The following RBFOX1 variants were observed in gnomAD, a reference collection of about 807,000 sequenced individuals.
RBFOX1 encodes RNA binding fox-1 homolog 1.
A neutral mutation model predicts 57.7 loss-of-function variants in RBFOX1; 8 were observed. The observed-to-expected ratio is 0.14, with a 90% confidence interval of 0.08 to 0.25. The LOEUF (loss-of-function observed/expected upper bound fraction) is 0.25. Among genes scored for constraint, RBFOX1 ranks in the 10% least tolerant of loss-of-function variants. The pLI is 1.00. For missense variants in RBFOX1, 611 were observed against 548.5 expected (o/e 1.11, Z -1.14); for synonymous variants, 326 against 222.4 (o/e 1.47, Z -4.15).
intron 7 of RBFOX1, among the ~76,000 whole-genome samples, chr16:7,591,723 A>G (rs2094451477): frequency 6.6e-6 from 1 of 152,126 alleles, no homozygotes; most frequent in Non-Finnish European, 1.5e-5. Context: ...TTAAGCAGTT[A>G]CACATCAGCA....
intron 4 of RBFOX1, among the ~76,000 whole-genome samples, chr16:7,420,543 A>G (rs917445017): frequency 5.9e-5 from 9 of 152,294 alleles, no homozygotes; most frequent in Middle Eastern, 6.8e-3. Flanking sequence ...CTTTTCTGCA[A>G]GAGCTTTCCT....
At chr16:7,645,136 C>T (rs941326739) in intron 11 of RBFOX1, among the ~76,000 whole-genome samples, 3 of 152,152 alleles carry the variant, frequency 2.0e-5, no homozygotes, top group African/African-American at 7.2e-5. Context: ...TCCAAGTTCA[C>T]ATTCTTGCCA....
chr16:5,864,386 G>A (rs542492918), intron 3 of RBFOX1, among the ~76,000 whole-genome samples: 1 of 152,328 alleles, frequency 6.6e-6, no homozygotes, highest in South Asian at 2.1e-4. Flanking sequence ...AAAAGAGAAA[G>A]TTGCCATTGA....
intron 1 of RBFOX1, among the ~76,000 whole-genome samples, chr16:6,050,204 C>T (rs1435170725): frequency 6.6e-6 from 1 of 152,160 alleles, no homozygotes; most frequent in Non-Finnish European, 1.5e-5. Flanking sequence ...AAGTGATCTG[C>T]CCACCTTGGC....
At chr16:5,899,705 G>A (rs1290761544) in intron 4 of RBFOX1, among the ~76,000 whole-genome samples, 1 of 152,166 alleles carries the variant, frequency 6.6e-6, no homozygotes, top group Non-Finnish European at 1.5e-5. Flanking sequence ...TGGCTGCTGG[G>A]GGCCATGGAA....
chr16:6,405,522 C>T (rs2093247412), intron 2 of RBFOX1, among the ~76,000 whole-genome samples: 1 of 152,156 alleles, frequency 6.6e-6, no homozygotes, highest in Admixed American at 6.5e-5. Flanking sequence ...GAGAATTGTA[C>T]ACCAGCTGAT....
chr16:6,820,777 T>C (rs7192093), intron 3 of RBFOX1, among the ~76,000 whole-genome samples: 51 of 152,330 alleles, frequency 3.3e-4, no homozygotes, highest in African/African-American at 1.1e-3. Flanking sequence ...CAGAGACTTA[T>C]TACTGCAAAA....
chr16:6,088,872 A>G (rs1311936258), intron 1 of RBFOX1, among the ~76,000 whole-genome samples: 3 of 151,988 alleles, frequency 2.0e-5, no homozygotes, highest in Non-Finnish European at 4.4e-5. Flanking sequence ...CAAGGCGGGC[A>G]TATCAGGAGG....
Position 5,459,731 on chromosome 16 carries a change from G to A in RBFOX1, c.220-7485G>A, listed in dbSNP as rs565532178. 6.6e-5 allele frequency among the ~76,000 whole-genome samples: 10 copies of A among 151,908 alleles called. No individual in the cohort carries two copies. The South Asian group carries it at 1.3e-3, about 19-fold the overall frequency. ...TCACAGCACACATACACACATGCAC[G>A]CACACACACGCTCACACACGCACCT... is the stretch of plus-strand genomic sequence containing the variant. On this transcript the variant is annotated intron_variant, in intron 1 of 2. Coordinates refer to the RBFOX1 transcript ENST00000585867.
At chr16:6,155,647 G>T (rs536405228) in intron 1 of RBFOX1, among the ~76,000 whole-genome samples, 2 of 152,116 alleles carry the variant, frequency 1.3e-5, no homozygotes, top group Non-Finnish European at 2.9e-5. Flanking sequence ...ATTATGGGCC[G>T]ACTTTCTATC....
intron 3 of RBFOX1, among the ~76,000 whole-genome samples, chr16:7,014,391 A>G (rs2093802163): frequency 6.6e-6 from 1 of 150,718 alleles, no homozygotes; most frequent in Non-Finnish European, 1.5e-5. Flanking sequence ...TTTTATTTTT[A>G]TTTTTTTGTT....
chr16:5,724,321 C>G (rs563033615), intron 3 of RBFOX1, among the ~76,000 whole-genome samples: 1 of 152,138 alleles, frequency 6.6e-6, no homozygotes, highest in East Asian at 1.9e-4. Flanking sequence ...TGGGATTGTC[C>G]TAAGCTGCTT....
At chr16:6,940,140 C>G (rs1215481845) in intron 3 of RBFOX1, among the ~76,000 whole-genome samples, 1 of 151,980 alleles carries the variant, frequency 6.6e-6, no homozygotes, top group East Asian at 1.9e-4. Flanking sequence ...TGCAGTGAGC[C>G]AAGATCACGC....
intron 2 of RBFOX1, among the ~76,000 whole-genome samples, chr16:6,572,596 C>G (rs534241312): frequency 2.6e-5 from 4 of 151,300 alleles, no homozygotes; most frequent in East Asian, 3.9e-4. Context: ...CCCACCTTCT[C>G]TGTCTTTTTT....
At chr16:5,334,370 G>T (rs1030642953) in intron 1 of RBFOX1, among the ~76,000 whole-genome samples, 5 of 152,122 alleles carry the variant, frequency 3.3e-5, no homozygotes, top group African/African-American at 7.2e-5. Context: ...TTTGATTAAG[G>T]GGAACCTTAA....
intron 2 of RBFOX1, among the ~76,000 whole-genome samples, chr16:6,452,070 C>G (rs1226395881): frequency 6.8e-6 from 1 of 147,660 alleles, no homozygotes; most frequent in East Asian, 2.1e-4. Context: ...ATCCTTCCTT[C>G]CATGACTCCA....
At position 7,304,504 on chromosome 16, in the gene RBFOX1, C is replaced by G. The variant is rs2096123914; in HGVS notation, c.28-213643C>G. ...ACAGCAGGTAAGGCGCGCGTCTGCC[C>G]TCGGTGGCTGCTTTCCTGGGGCTGG... is the stretch of plus-strand genomic sequence containing the variant. On this transcript the variant is annotated intron_variant, in intron 4 of 15. Transcript: ENST00000550418. 5.1e-6 allele frequency: 5 copies of G among 985,180 alleles called. No individual in the cohort carries two copies. The African/African-American group carries it at 8.7e-5, about 17-fold the overall frequency. The allele number at this position is 985,180 out of a possible 1,614,324, so 61.0% of individuals were successfully genotyped here.
At chr16:6,181,445 G>A (rs1180642238) in intron 1 of RBFOX1, among the ~76,000 whole-genome samples, 1 of 152,140 alleles carries the variant, frequency 6.6e-6, no homozygotes, top group African/African-American at 2.4e-5. Flanking sequence ...AAATTTTGGG[G>A]GGGTCAGTTT....
chr16:6,632,291 T>A (rs2098394503), intron 2 of RBFOX1, among the ~76,000 whole-genome samples: 1 of 150,852 alleles, frequency 6.6e-6, no homozygotes, highest in African/African-American at 2.4e-5. Context: ...GGTCAAAACA[T>A]CTGTGAAACC....
Sources: allele counts gnomAD v4.1 joint callset (sites outside exome capture counted in the v4.1 genomes callset), GRCh38; gene constraint gnomAD v4.1.1; transcripts MANE v1.5; gene names NCBI Gene and HGNC (gene_info 2026-07-23, HGNC 2026-07-21).